Variants in AGTR1 observed in about 807,000 individuals in gnomAD.
AGTR1 encodes angiotensin II receptor type 1.
In AGTR1, 16 loss-of-function variants were observed where a neutral mutation model predicts 19.4. The observed-to-expected ratio is 0.82, with a 90% confidence interval of 0.56 to 1.25. The LOEUF (loss-of-function observed/expected upper bound fraction) is 1.25, where lower values mean the gene tolerates loss of function less well. AGTR1 is among the 50% of genes most tolerant of loss of function. The probability of loss-of-function intolerance (pLI) is 0.00; values close to 1 mark genes in which losing one functional copy is unlikely to be tolerated. For synonymous variants in AGTR1, 153 were observed against 154.9 expected (o/e 0.99, Z 0.09); for missense variants, 373 against 431.9 (o/e 0.86, Z 1.21).
In AGTR1 at chr3:148,737,870, C is replaced by G. The variant is rs58570570; in HGVS notation, c.-47-3119C>G. On this transcript the variant is annotated intron_variant, in intron 2 of 2. Coordinates refer to ENST00000349243, the MANE Select transcript of AGTR1 (RefSeq NM_000685.5). ...TCTCATTAAGGTAATAATACCTCAC[C>G]GAAGTTTCCAGGGATGATCCCCTAG... Among the ~76,000 whole-genome samples, 3 of 152,104 alleles carry G rather than the reference C, an allele frequency of 2.0e-5. No individual in the cohort carries two copies. In the East Asian group the frequency reaches 5.8e-4, roughly 29 times the overall value.
chr3:148,716,747 A>G lies in AGTR1; in HGVS notation c.-48+8720A>G, dbSNP rs1264456587. ...CAAGGAGTGGAATAATCAAAGTTGC[A>G]TTTTAAGCAAGATTATGGTTTTTTC... On this transcript the variant is annotated intron_variant, in intron 2 of 2. Transcript: ENST00000349243. The surrounding 1 kb of genome is among the most constrained non-coding windows in gnomAD (Gnocchi z 4.7). Among the ~76,000 whole-genome samples, 1 of 152,202 alleles carries G rather than the reference A, an allele frequency of 6.6e-6. No individual in the cohort carries two copies. The highest frequency in any genetic ancestry group is 1.9e-4 in the East Asian group (1 of 5,198).
At chr3:148,731,825 C>A (rs12695903) in intron 2 of AGTR1, among the ~76,000 whole-genome samples, 7,568 of 152,098 alleles carry the variant, frequency 0.05, 210 homozygotes, top group African/African-American at 0.067. Flanking sequence ...GTTAATCAAT[C>A]AATAAATAAA....
intron 2 of AGTR1, among the ~76,000 whole-genome samples, chr3:148,739,343 A>G (rs553191920): frequency 6.6e-6 from 1 of 151,170 alleles, no homozygotes; most frequent in Non-Finnish European, 1.5e-5. Context: ...TGGGCAATAC[A>G]GTGACACTCT....
chr3:148,701,642 T>A (rs540433094), intron 1 of AGTR1, among the ~76,000 whole-genome samples: 1 of 152,320 alleles, frequency 6.6e-6, no homozygotes, highest in Admixed American at 6.5e-5. Context: ...TTACCAAGAA[T>A]GTTTTTATTG....
At position 148,742,613 on chromosome 3, in the gene AGTR1, A is replaced by T. The variant is rs1489567856; in HGVS notation, c.*498A>T. The T allele has an allele frequency of 4.3e-6, 1 of 234,110 alleles. No homozygotes were observed. The highest frequency in any genetic ancestry group is 2.4e-5 in the African/African-American group (1 of 42,398). 14.5% of individuals were successfully genotyped at this position (234,110 alleles called of 1,614,324 possible). On this transcript the variant is annotated 3_prime_UTR_variant, in exon 3 of 3. Coordinates refer to ENST00000349243, the MANE Select transcript of AGTR1 (RefSeq NM_000685.5). ...CTGGTACTGCACATTTTGTACAAAGATATGCTAAGCAGTAGTCGTCAAGTT... is the reference window on the plus strand; with the variant it reads ...CTGGTACTGCACATTTTGTACAAAGTTATGCTAAGCAGTAGTCGTCAAGTT...
In AGTR1 at chr3:148,726,525, G is replaced by A. The variant is rs1226694032; in HGVS notation, c.-47-14464G>A. 2.0e-5 allele frequency among the ~76,000 whole-genome samples: 3 copies of A among 152,110 alleles called. No individual in the cohort carries two copies. The East Asian group carries it at 5.8e-4, about 29-fold the overall frequency. The stretch of plus-strand genomic sequence containing the variant: ...CCTGGCCTGCAGTCAACTGATTTAT[G>A]TTCATCACCTTCTTAAGTTAAATTG... On this transcript the variant is annotated intron_variant, in intron 2 of 2. Coordinates refer to ENST00000349243, the MANE Select transcript of AGTR1 (RefSeq NM_000685.5).
chr3:148,703,717 A>T (rs548540587), intron 1 of AGTR1, among the ~76,000 whole-genome samples: 1 of 152,272 alleles, frequency 6.6e-6, no homozygotes, highest in African/African-American at 2.4e-5. Context: ...CTTAGCTGTT[A>T]CCTACAGTGT....
chr3:148,741,464 T>G lies in AGTR1; in HGVS notation c.429T>G (p.Leu143=), dbSNP rs778815388. The change falls in exon 3 of 3, where the codon CTT becomes CTG. Residue 143 remains leucine, a synonymous_variant. Coordinates refer to ENST00000349243, the MANE Select transcript of AGTR1 (RefSeq NM_000685.5). ...PMKSRLRRTM[L]VAKVTCIIIW... ...AGTCCCGCCTTCGACGCACAATGCTTGTAGCCAAAGTCACCTGCATCATCA... is the reference window on the plus strand; with the variant it reads ...AGTCCCGCCTTCGACGCACAATGCTGGTAGCCAAAGTCACCTGCATCATCA... 1 of 1,612,296 alleles carries G rather than the reference T, an allele frequency of 6.2e-7. No homozygotes were observed. The highest frequency in any genetic ancestry group is 1.3e-5 in the African/African-American group (1 of 74,940).
rs116624395 is a variant in AGTR1 at position 148,700,516 on chromosome 3, C to T, written c.-132+2389C>T. 3.6e-3 allele frequency among the ~76,000 whole-genome samples: 549 copies of T among 152,226 alleles called. 4 individuals carry two copies. The highest frequency in any genetic ancestry group is 0.012 in the African/African-American group (519 of 41,522). Reference sequence around the variant, plus strand: ...ATTTAGGTGTTTTGGCTGCTTAATGCGAGCTCCTGCCCTCTAGCCGCATGC... The same window carrying T: ...ATTTAGGTGTTTTGGCTGCTTAATGTGAGCTCCTGCCCTCTAGCCGCATGC... On this transcript the variant is annotated intron_variant, in intron 1 of 2. Coordinates refer to ENST00000349243, the MANE Select transcript of AGTR1 (RefSeq NM_000685.5).
intron 2 of AGTR1, chr3:148,739,794 C>T (rs926914637): frequency 2.7e-4 from 329 of 1,231,416 alleles, no homozygotes; most frequent in Non-Finnish European, 3.2e-4. Flanking sequence ...TCCTCTTTTT[C>T]CCCAGGGCAT....
intron 2 of AGTR1, among the ~76,000 whole-genome samples, chr3:148,711,226 G>A (rs1459250865): frequency 6.6e-6 from 1 of 152,102 alleles, no homozygotes; most frequent in Non-Finnish European, 1.5e-5. Context: ...TAAAATTTGA[G>A]TCTCAGTTAC....
At chr3:148,721,321 A>T (rs980984681) in intron 2 of AGTR1, among the ~76,000 whole-genome samples, 4 of 152,184 alleles carry the variant, frequency 2.6e-5, no homozygotes, top group African/African-American at 9.7e-5. Context: ...TCATTGCAGT[A>T]TTATCCCCAC....
intron 1 of AGTR1, among the ~76,000 whole-genome samples, chr3:148,700,688 A>G (rs1199614170): frequency 6.6e-6 from 1 of 152,206 alleles, no homozygotes; most frequent in African/African-American, 2.4e-5. Context: ...TTTTGAAGAT[A>G]TGCTGTGTCA....
At chr3:148,704,963 G>A (rs965762967) in intron 1 of AGTR1, among the ~76,000 whole-genome samples, 1 of 152,126 alleles carries the variant, frequency 6.6e-6, no homozygotes, top group Admixed American at 6.5e-5. Flanking sequence ...TATGGGTTAG[G>A]GCAAAATCAA....
chr3:148,735,270 A>T (rs1215861233), intron 2 of AGTR1, among the ~76,000 whole-genome samples: 1 of 152,228 alleles, frequency 6.6e-6, no homozygotes, highest in Non-Finnish European at 1.5e-5. Context: ...TACTGCAAAT[A>T]TATAGTATCT....
chr3:148,731,935 A>T (rs1714278835), intron 2 of AGTR1, among the ~76,000 whole-genome samples: 1 of 152,262 alleles, frequency 6.6e-6, no homozygotes, highest in Admixed American at 6.5e-5. Flanking sequence ...GTTTTCTTAG[A>T]ACAGAGGCCC....
intron 2 of AGTR1, among the ~76,000 whole-genome samples, chr3:148,718,128 A>G (rs1262706809): frequency 1.3e-5 from 2 of 152,184 alleles, no homozygotes; most frequent in African/African-American, 2.4e-5. Context: ...CAGGAACATT[A>G]TGCAATAATG....
intron 1 of AGTR1, among the ~76,000 whole-genome samples, chr3:148,707,245 ATATTTATATGCATGTGTATGCAT>A (rs1712721513): frequency 1.3e-5 from 2 of 152,188 alleles, no homozygotes; most frequent in African/African-American, 4.8e-5. Context: ...ATAGATATAC[ATATTTATATGCATGTGTATGCAT>A]TTTTTATGAA....
At chr3:148,735,892 AT>A (rs1714548321) in intron 2 of AGTR1, among the ~76,000 whole-genome samples, 1 of 152,226 alleles carries the variant, frequency 6.6e-6, no homozygotes, top group African/African-American at 2.4e-5. Context: ...CTATAAGCAA[AT>A]GGCTTACAAA....
Sources: allele counts gnomAD v4.1 joint callset (sites outside exome capture counted in the v4.1 genomes callset), GRCh38; gene constraint gnomAD v4.1.1; non-coding constraint Gnocchi (gnomAD v3.1); transcripts MANE v1.5; gene names NCBI Gene and HGNC (gene_info 2026-07-23, HGNC 2026-07-21).